Variants in CDH13 observed in about 807,000 individuals in gnomAD.
CDH13 encodes the protein cadherin 13.
CDH13 carries 24 observed loss-of-function variants against 63.8 expected under a neutral mutation model. That is an observed-to-expected ratio of 0.38 (90% CI 0.27 to 0.53). The LOEUF (loss-of-function observed/expected upper bound fraction) is 0.53. Ranked by LOEUF, CDH13 falls within the 20% of genes least tolerant of loss-of-function variation. The pLI is 0.85. For missense variants in CDH13, 1,049 were observed against 903.1 expected, an observed-to-expected ratio of 1.16 and a Z score of -2.07; for synonymous variants, 503 against 355.3, an observed-to-expected ratio of 1.42 and a Z score of -4.67.
intron 6 of CDH13, among the ~76,000 whole-genome samples, chr16:83,460,467 G>A (rs1344792351): frequency 1.3e-5 from 2 of 152,184 alleles, no homozygotes; most frequent in Non-Finnish European, 2.9e-5. Context: ...ATAGGAAATG[G>A]CCTACATGCT....
At chr16:83,113,204 T>C (rs971176818) in intron 3 of CDH13, among the ~76,000 whole-genome samples, 9 of 152,210 alleles carry the variant, frequency 5.9e-5, no homozygotes, top group Admixed American at 4.6e-4. Flanking sequence ...CACAAAGCAT[T>C]GAGCACCCCA....
At chr16:83,760,990 C>T (rs1913922459) in intron 11 of CDH13, among the ~76,000 whole-genome samples, 1 of 152,246 alleles carries the variant, frequency 6.6e-6, no homozygotes, top group African/African-American at 2.4e-5. Flanking sequence ...ATGTTCCCTG[C>T]AGTCCCTACC....
At chr16:82,842,297 A>T (rs2039068854) in intron 1 of CDH13, among the ~76,000 whole-genome samples, 1 of 151,716 alleles carries the variant, frequency 6.6e-6, no homozygotes, top group Admixed American at 6.6e-5. Flanking sequence ...GTCTTGAGAC[A>T]TCTGAGTCCT....
chr16:83,716,737 C>A (rs1192188108), intron 10 of CDH13, among the ~76,000 whole-genome samples: 1 of 152,232 alleles, frequency 6.6e-6, no homozygotes, highest in Admixed American at 6.5e-5. Flanking sequence ...CCTCCTCAGC[C>A]TTCCAAAGTG....
chr16:83,326,725 A>G (rs969591090), intron 5 of CDH13, among the ~76,000 whole-genome samples: 3 of 152,232 alleles, frequency 2.0e-5, no homozygotes, highest in Non-Finnish European at 2.9e-5. Flanking sequence ...GGAACAAGTC[A>G]CTAAGACACT....
intron 6 of CDH13, among the ~76,000 whole-genome samples, chr16:83,430,545 C>G (rs1346466259): frequency 6.6e-6 from 1 of 152,130 alleles, no homozygotes; most frequent in African/African-American, 2.4e-5. Context: ...AACCTTTATT[C>G]TTCTTTTTGA....
intron 2 of CDH13, among the ~76,000 whole-genome samples, chr16:82,863,878 T>C (rs530507247): frequency 1.9e-5 from 2 of 107,788 alleles, no homozygotes; most frequent in African/African-American, 7.7e-5. Flanking sequence ...CCTAGATTGA[T>C]GAGAGTGTAT....
chr16:82,865,361 C>G (rs1452575515), intron 2 of CDH13, among the ~76,000 whole-genome samples: 1 of 152,228 alleles, frequency 6.6e-6, no homozygotes, highest in African/African-American at 2.4e-5. Context: ...GGCTCTGCCT[C>G]TGCAACAAAC....
At chr16:82,978,474 C>A (rs1368743448) in intron 2 of CDH13, among the ~76,000 whole-genome samples, 1 of 152,206 alleles carries the variant, frequency 6.6e-6, no homozygotes, top group Non-Finnish European at 1.5e-5. Flanking sequence ...GTGGGCCAGG[C>A]CCAAGTCTCC....
intron 4 of CDH13, among the ~76,000 whole-genome samples, chr16:83,186,797 C>T (rs1206688029): frequency 6.6e-6 from 1 of 152,102 alleles, no homozygotes. Flanking sequence ...TGAGACAAGC[C>T]AACTCTTTCT....
intron 5 of CDH13, among the ~76,000 whole-genome samples, chr16:83,335,661 T>C (rs541298358): frequency 8.8e-4 from 134 of 152,302 alleles, no homozygotes; most frequent in African/African-American, 3.0e-3. Context: ...TAGTTAAAGA[T>C]TGACCCCTGA....
intron 6 of CDH13, among the ~76,000 whole-genome samples, chr16:83,429,287 C>G (rs1241210664): frequency 7.9e-5 from 12 of 152,190 alleles, no homozygotes; most frequent in African/African-American, 2.7e-4. Flanking sequence ...GCAGGACACT[C>G]TTTGACCAAT....
intron 10 of CDH13, among the ~76,000 whole-genome samples, chr16:83,733,874 C>T (rs549050021): frequency 6.6e-6 from 1 of 152,320 alleles, no homozygotes; most frequent in African/African-American, 2.4e-5. Flanking sequence ...AAAAGTGGAA[C>T]GTGACCTGCA....
intron 12 of CDH13, 44 bp downstream of exon 12, chr16:83,780,245 G>C: frequency 7.6e-7 from 1 of 1,315,172 alleles, no homozygotes; most frequent in Non-Finnish European, 1.1e-6. Flanking sequence ...CCAGCTTTCA[G>C]TTTATTTTCT....
intron 2 of CDH13, among the ~76,000 whole-genome samples, chr16:82,890,088 G>T (rs111868366): frequency 1.8e-3 from 273 of 152,328 alleles, no homozygotes; most frequent in African/African-American, 6.3e-3. Context: ...ATATGTTTCA[G>T]TAAGTCTCCC....
At chr16:82,703,206 TACACACACAC>T (rs34528218) in intron 1 of CDH13, among the ~76,000 whole-genome samples, 2 of 149,418 alleles carry the variant, frequency 1.3e-5, no homozygotes, top group Non-Finnish European at 3.0e-5. Context: ...GGATGTATAC[TACACACACAC>T]ACACACACAC....
At chr16:83,628,927 A>G (rs1445059474) in intron 8 of CDH13, among the ~76,000 whole-genome samples, 1 of 152,236 alleles carries the variant, frequency 6.6e-6, no homozygotes, top group Non-Finnish European at 1.5e-5. Context: ...GAAACCTACA[A>G]TCAGGATTGT....
At chr16:83,174,285 T>C (rs1429757407) in intron 4 of CDH13, among the ~76,000 whole-genome samples, 1 of 152,160 alleles carries the variant, frequency 6.6e-6, no homozygotes, top group Non-Finnish European at 1.5e-5. Context: ...TTCCAATTAA[T>C]GCTGCATATA....
chr16:82,723,364 G>T (rs1418655741), intron 1 of CDH13, among the ~76,000 whole-genome samples: 1 of 152,164 alleles, frequency 6.6e-6, no homozygotes, highest in East Asian at 1.9e-4. Context: ...GGACTGGCTA[G>T]TTATTCACCA....
Sources: allele counts gnomAD v4.1 joint callset (sites outside exome capture counted in the v4.1 genomes callset), GRCh38; gene constraint gnomAD v4.1.1; transcripts MANE v1.5; gene names NCBI Gene and HGNC (gene_info 2026-07-23, HGNC 2026-07-21).